The following IFT43 variants were observed in gnomAD, a reference collection of about 807,000 sequenced individuals.
The protein encoded by IFT43 is intraflagellar transport 43, also known as intraflagellar transport protein 43 homolog.
IFT43 carries 33 observed loss-of-function variants against 32.3 expected under a neutral mutation model. The observed-to-expected ratio is 1.02, with a 90% CI of 0.77 to 1.37. IFT43 has a LOEUF of 1.37. Ranked by LOEUF, IFT43 falls within the 40% of genes most tolerant of loss-of-function variation. The pLI, the probability that IFT43 is intolerant of heterozygous loss-of-function variation, is 0.00. For synonymous variants in IFT43, 93 were observed against 98.2 expected (o/e 0.95, Z 0.31); for missense variants, 274 against 265.9 (o/e 1.03, Z -0.21).
At chr14:76,069,378 G>T (rs2140074538) in intron 5 of IFT43, among the ~76,000 whole-genome samples, 1 of 152,258 alleles carries the variant, frequency 6.6e-6, no homozygotes, top group South Asian at 2.1e-4. Context: ...GAAAAGGGGG[G>T]TATGAAGTCA....
In IFT43 at chr14:76,015,074, G is replaced by A. The variant is rs116471804; in HGVS notation, c.148-7253G>A. On this transcript the variant is annotated intron_variant, in intron 2 of 8. Transcript: ENST00000314067. ...TTTTCTATTGCACCTAGTGCACATG[G>A]GACCAGTGCCGAGTTCCCCACATAG... 1.2e-3 allele frequency among the ~76,000 whole-genome samples: 176 copies of A among 152,234 alleles called. 1 individual carries two copies. The highest frequency in any genetic ancestry group is 4.0e-3 in the African/African-American group (166 of 41,510).
At chr14:76,055,786 G>T (rs967061674) in intron 3 of IFT43, among the ~76,000 whole-genome samples, 1 of 152,164 alleles carries the variant, frequency 6.6e-6, no homozygotes. Context: ...TACTCTGCCA[G>T]TTTTCCTAAA....
chr14:76,017,789 G>A (rs1361335874), intron 2 of IFT43, among the ~76,000 whole-genome samples: 2 of 151,976 alleles, frequency 1.3e-5, no homozygotes, highest in Admixed American at 6.6e-5. Context: ...TAGGTTGTAC[G>A]TGTCCAGGAA....
chr14:76,082,433 C>A, intron 6 of IFT43, 66 bp downstream of exon 6: 3 of 1,177,806 alleles, frequency 2.5e-6, no homozygotes, highest in South Asian at 1.2e-5. Context: ...CAGATATCAT[C>A]TATAGTGGAC....
chr14:75,999,246 T>TTC lies in IFT43; in HGVS notation c.147+10269_147+10270insTC, dbSNP rs1461950605. On this transcript the variant is annotated intron_variant, in intron 2 of 8. Coordinates refer to ENST00000314067, the MANE Select transcript of IFT43 (RefSeq NM_001102564.3). ...TTCATTTTATATATATATATATATA[T>TTC]ATATATATATATATATATATATATA... Among the ~76,000 whole-genome samples, 38 of 10,364 alleles carry TTC rather than the reference T, an allele frequency of 3.7e-3. 1 individual carries two copies. The highest frequency in any genetic ancestry group is 0.012 in the Admixed American group (10 of 866). The allele number at this position is 10,364 out of a possible 152,430, so 6.8% of individuals were successfully genotyped here.
intron 2 of IFT43, among the ~76,000 whole-genome samples, chr14:76,018,964 G>A (rs2036240475): frequency 6.6e-6 from 1 of 151,932 alleles, no homozygotes; most frequent in Admixed American, 6.6e-5. Context: ...TTTTAATTTA[G>A]CCAGCCAGTT....
intron 2 of IFT43, among the ~76,000 whole-genome samples, chr14:75,992,428 G>A (rs1239437134): frequency 7.2e-5 from 11 of 152,180 alleles, no homozygotes; most frequent in Non-Finnish European, 2.9e-5. Flanking sequence ...TTTATTAAAG[G>A]GCACCGAAGA....
At chr14:76,032,064 C>T (rs934486209) in intron 3 of IFT43, among the ~76,000 whole-genome samples, 6 of 152,134 alleles carry the variant, frequency 3.9e-5, no homozygotes, top group Non-Finnish European at 8.8e-5. Context: ...CCCTTCTACC[C>T]CCTCCCCTAA....
intron 2 of IFT43, 184 bp from the exon 3 acceptor site, chr14:76,022,143 C>T (rs983797715): frequency 6.5e-6 from 1 of 154,066 alleles, no homozygotes; most frequent in Non-Finnish European, 1.4e-5. Context: ...CCCAGCTACT[C>T]AGGAGGCTAA....
chr14:76,073,193 C>G (rs2037351902), intron 5 of IFT43, among the ~76,000 whole-genome samples: 1 of 152,202 alleles, frequency 6.6e-6, no homozygotes, highest in South Asian at 2.1e-4. Flanking sequence ...ACCCAGAACA[C>G]AGCAGGTTGT....
chr14:76,067,605 T>C (rs1594859761), intron 5 of IFT43, among the ~76,000 whole-genome samples: 1 of 149,660 alleles, frequency 6.7e-6, no homozygotes, highest in South Asian at 2.1e-4. Flanking sequence ...GAGAAGGCGC[T>C]TTGAAGATTA....
intron 5 of IFT43, among the ~76,000 whole-genome samples, chr14:76,061,090 CAG>C (rs1566730651): frequency 6.6e-6 from 1 of 151,998 alleles, no homozygotes; most frequent in African/African-American, 2.4e-5. Flanking sequence ...TTAGTAGAGA[CAG>C]AGTTTTACCA....
chr14:76,018,233 T>G (rs1165788672), intron 2 of IFT43, among the ~76,000 whole-genome samples: 1 of 152,024 alleles, frequency 6.6e-6, no homozygotes, highest in Non-Finnish European at 1.5e-5. Context: ...TCCCATAGGT[T>G]TTTGTATGTT....
At chr14:76,010,953 A>T (rs572751482) in intron 2 of IFT43, among the ~76,000 whole-genome samples, 60 of 148,236 alleles carry the variant, frequency 4.0e-4, no homozygotes, top group African/African-American at 1.4e-3. Context: ...CCCAGGCTGG[A>T]GTGCAGTGGC....
chr14:76,056,027 A>G (rs1466135516), intron 3 of IFT43, among the ~76,000 whole-genome samples: 1 of 152,232 alleles, frequency 6.6e-6, no homozygotes, highest in Non-Finnish European at 1.5e-5. Flanking sequence ...AAGAGTCCAG[A>G]AATTTGGATT....
At chr14:76,015,939 A>G (rs2036179785) in intron 2 of IFT43, among the ~76,000 whole-genome samples, 2 of 151,994 alleles carry the variant, frequency 1.3e-5, no homozygotes, top group Non-Finnish European at 2.9e-5. Context: ...GATGTAGAAC[A>G]TTTTTTCATA....
At chr14:76,041,430 A>G (rs2036704767) in intron 3 of IFT43, among the ~76,000 whole-genome samples, 1 of 152,208 alleles carries the variant, frequency 6.6e-6, no homozygotes, top group South Asian at 2.1e-4. Flanking sequence ...AAGAGTAGAA[A>G]GTTAGAGCCA....
chr14:76,020,845 A>G (rs1303016641), intron 2 of IFT43, among the ~76,000 whole-genome samples: 3 of 152,154 alleles, frequency 2.0e-5, no homozygotes, highest in South Asian at 2.1e-4. Flanking sequence ...TTAGGCCTCC[A>G]GTGCCTTGCT....
intron 2 of IFT43, among the ~76,000 whole-genome samples, chr14:76,016,282 C>G (rs913464317): frequency 6.6e-6 from 1 of 152,058 alleles, no homozygotes. Context: ...TATGGAAATC[C>G]GGTTTTCCCA....
Sources: allele counts gnomAD v4.1 joint callset (sites outside exome capture counted in the v4.1 genomes callset), GRCh38; gene constraint gnomAD v4.1.1; transcripts MANE v1.5; gene names NCBI Gene and HGNC (gene_info 2026-07-23, HGNC 2026-07-21).